NNT: variants seen among roughly 807,000 people sequenced by gnomAD.
NNT encodes the protein nicotinamide nucleotide transhydrogenase.
In NNT, 50 loss-of-function variants were observed where a neutral mutation model predicts 104.8. The observed-to-expected ratio is 0.48, with a 90% confidence interval of 0.38 to 0.60. The LOEUF (loss-of-function observed/expected upper bound fraction) is 0.60. Among genes scored for constraint, NNT ranks in the 20% least tolerant of loss-of-function variants. NNT has a pLI of 0.00. For synonymous variants in NNT, 461 were observed against 490.4 expected (o/e 0.94, Z 0.79); for missense variants, 1,131 against 1,330.7 (o/e 0.85, Z 2.33).
rs181517819 is a variant in NNT, at chr5:43,705,771, A to C, written c.*1367A>C. ...CTGTGCCTGAGATTAAGATCTGTGT[A>C]TGTGTGTGTGTGTGTGTGTGCGTTT... On this transcript the variant is annotated 3_prime_UTR_variant, in exon 22 of 22. Coordinates refer to ENST00000344920, the MANE Select transcript of NNT (RefSeq NM_182977.3). 1 of 149,370 alleles carries C rather than the reference A, an allele frequency of 6.7e-6. No individual in the cohort carries two copies. The highest frequency in any genetic ancestry group is 2.0e-4 in the East Asian group (1 of 5,118). 9.3% of individuals were successfully genotyped at this position (149,370 alleles called of 1,614,324 possible).
At position 43,655,978 on chromosome 5, in the gene NNT, C is replaced by CA; in HGVS notation, c.2199dup (p.Ala734SerfsTer21). 6.2e-7 allele frequency: 1 copy of CA among 1,614,184 alleles called. No homozygotes were observed. Among genetic ancestry groups the CA allele is most frequent in the Non-Finnish European group, 8.5e-7 (1 of 1,180,020 alleles). On this transcript the variant is annotated frameshift_variant, in exon 15 of 22. Coordinates refer to ENST00000344920, the MANE Select transcript of NNT (RefSeq NM_182977.3). LOFTEE classifies it high-confidence loss of function. The stretch of plus-strand genomic sequence containing the variant: ...GAATATCCACATTTTGCTACGGATG[C>CA]AGCAGCAAATCTCACCAAGATTGTG...
At chr5:43,665,999 A>G (rs902723314) in intron 17 of NNT, among the ~76,000 whole-genome samples, 11 of 151,190 alleles carry the variant, frequency 7.3e-5, no homozygotes, top group Non-Finnish European at 1.2e-4. Flanking sequence ...CAGACGGGGC[A>G]GCGGGGCAGA....
At chr5:43,693,266 T>C (rs1342978305) in intron 19 of NNT, among the ~76,000 whole-genome samples, 1 of 152,224 alleles carries the variant, frequency 6.6e-6, no homozygotes, top group Admixed American at 6.5e-5. Context: ...ATATTTTGGT[T>C]ATTTCAATAT....
At chr5:43,654,005 AAC>A (rs991048448) in intron 14 of NNT, among the ~76,000 whole-genome samples, 8 of 152,194 alleles carry the variant, frequency 5.3e-5, no homozygotes, top group African/African-American at 1.9e-4. Flanking sequence ...TTGATTGTTA[AAC>A]ACAGCCATTA....
chr5:43,674,543 A>C (rs1203868014), intron 17 of NNT, among the ~76,000 whole-genome samples: 4 of 152,248 alleles, frequency 2.6e-5, no homozygotes, highest in Non-Finnish European at 5.9e-5. Flanking sequence ...ACAGCACTTA[A>C]AATAGAGTTC....
Position 43,675,541 on chromosome 5 carries a change from C to T in NNT, c.2665C>T (p.Leu889Phe). ...GAATCGCTCCCTGGCTAATGTGATT[C>T]TTGGAGGCTATGGCACCACTTCAAC... ...AMNRSLANVI[L>F]GGYGTTSTAG... The change falls in exon 18 of 22, where the codon CTT (leucine) becomes TTT (phenylalanine). Residue 889 changes from leucine to phenylalanine, a missense_variant. Physicochemically the swap from Leu to Phe is conservative, Grantham distance 22. Coordinates refer to ENST00000344920, the MANE Select transcript of NNT (RefSeq NM_182977.3). The T allele has an allele frequency of 6.2e-7, 1 of 1,612,356 alleles. No individual in the cohort carries two copies.
chr5:43,665,130 A>G (rs1740564134), intron 17 of NNT, among the ~76,000 whole-genome samples: 1 of 152,036 alleles, frequency 6.6e-6, no homozygotes, highest in Non-Finnish European at 1.5e-5. Flanking sequence ...CGGTACATCT[A>G]CTGCTGTGAT....
intron 1 of NNT, among the ~76,000 whole-genome samples, chr5:43,605,558 C>CT (rs1391606692): frequency 3.6e-4 from 46 of 127,062 alleles, no homozygotes; most frequent in Admixed American, 1.0e-3. Flanking sequence ...AAAAGTTGTG[C>CT]TTTTTTCCCC....
intron 16 of NNT, among the ~76,000 whole-genome samples, chr5:43,657,071 C>T (rs1397470702): frequency 6.6e-6 from 1 of 152,038 alleles, no homozygotes; most frequent in Non-Finnish European, 1.5e-5. Context: ...GTCTTTTCAC[C>T]GGATCAATGT....
intron 10 of NNT, chr5:43,648,124 ACT>A (rs1739551377): frequency 8.4e-7 from 1 of 1,189,656 alleles, no homozygotes; most frequent in Non-Finnish European, 1.1e-6. Context: ...GTTGTATCTA[ACT>A]CTCTCACCAG....
In NNT at chr5:43,665,025, T is replaced by C. The variant is rs182069940; in HGVS notation, c.2634+5675T>C. On this transcript the variant is annotated intron_variant, in intron 17 of 21. Coordinates refer to ENST00000344920, the MANE Select transcript of NNT (RefSeq NM_182977.3). ...CAGAGATTCTTTCCTTCTTCTTCATTCAGTTTTATAGGAGGAAATAATGGT... is the reference window on the plus strand; with the variant it reads ...CAGAGATTCTTTCCTTCTTCTTCATCCAGTTTTATAGGAGGAAATAATGGT... Among the ~76,000 whole-genome samples, 404 of 152,104 alleles carry C rather than the reference T, an allele frequency of 2.7e-3. 2 individuals carry two copies. The highest frequency in any genetic ancestry group is 2.6e-3 in the Non-Finnish European group (180 of 67,976).
chr5:43,615,433 A>G (rs1427326478), intron 3 of NNT, among the ~76,000 whole-genome samples: 2 of 152,240 alleles, frequency 1.3e-5, no homozygotes, highest in Non-Finnish European at 2.9e-5. Flanking sequence ...CAAAATTAGC[A>G]AGGACTGAAT....
intron 19 of NNT, among the ~76,000 whole-genome samples, chr5:43,690,014 A>G (rs1232834488): frequency 6.6e-6 from 1 of 152,198 alleles, no homozygotes. Context: ...GAAGTTTGGA[A>G]CTATATTAAA....
At chr5:43,658,134 CAAAAAAAAAGAAA>C (rs1456500738) in intron 16 of NNT, among the ~76,000 whole-genome samples, 2 of 147,640 alleles carry the variant, frequency 1.4e-5, no homozygotes, top group African/African-American at 5.0e-5. Flanking sequence ...GACTCTGTCT[CAAAAAAAAAGAAA>C]GAAAAAAAGA....
chr5:43,683,381 C>G (rs16873466), intron 19 of NNT, among the ~76,000 whole-genome samples: 5,142 of 152,318 alleles, frequency 0.034, 134 homozygotes, highest in East Asian at 0.12. Flanking sequence ...GTGGAAAGAA[C>G]AGAAGACTGC....
chr5:43,643,674 GTTAAA>G (rs1751352567), intron 7 of NNT, among the ~76,000 whole-genome samples: 1 of 152,098 alleles, frequency 6.6e-6, no homozygotes, highest in South Asian at 2.1e-4. Flanking sequence ...AGTTTTCTGT[GTTAAA>G]TTAAGGTAGG....
intron 15 of NNT, among the ~76,000 whole-genome samples, 179 bp downstream of exon 15, chr5:43,656,252 C>T (rs1580054379): frequency 6.6e-6 from 1 of 152,086 alleles, no homozygotes; most frequent in Non-Finnish European, 1.5e-5. Flanking sequence ...CCAGCCTGGG[C>T]AACATAGCGA....
intron 18 of NNT, among the ~76,000 whole-genome samples, chr5:43,677,175 C>T (rs1741458098): frequency 6.6e-6 from 1 of 152,014 alleles, no homozygotes; most frequent in Non-Finnish European, 1.5e-5. Context: ...GTCAAGCCTG[C>T]AGACAGATTG....
intron 7 of NNT, among the ~76,000 whole-genome samples, chr5:43,636,334 T>C (rs1750929513): frequency 6.6e-6 from 1 of 152,200 alleles, no homozygotes; most frequent in Non-Finnish European, 1.5e-5. Flanking sequence ...CCATTGAAGA[T>C]GGTGCCTCAT....
Sources: gnomAD v4.1 joint callset for allele counts (sites outside exome capture counted in the v4.1 genomes callset) on GRCh38, gnomAD v4.1.1 for gene constraint, MANE v1.5 for transcripts, NCBI Gene and HGNC (gene_info 2026-07-23, HGNC 2026-07-21) for gene names.